Variants in ENOX2 observed in about 807,000 individuals in gnomAD.
ENOX2 encodes the protein ecto-NOX disulfide-thiol exchanger 2, also known as APK1 antigen.
Under a neutral mutation model 45.0 loss-of-function variants are expected in ENOX2, and 36 were observed. The ratio of observed to expected loss-of-function variants is 0.80; its 90% CI spans 0.61 to 1.06. The LOEUF is 1.06. Among genes scored for constraint, ENOX2 ranks in the 50% least tolerant of loss-of-function variants. The pLI is 0.00. For synonymous variants in ENOX2, 174 were observed against 152.3 expected, an observed-to-expected ratio of 1.14 and a Z score of -1.05; for missense variants, 423 against 462.5, an observed-to-expected ratio of 0.91 and a Z score of 0.78.
chrX:130,699,733 T>C (rs2037850358), intron 4 of ENOX2, among the ~76,000 whole-genome samples: 1 of 111,465 alleles, frequency 9.0e-6, no homozygotes, highest in African/African-American at 3.3e-5. Flanking sequence ...TCTGTGAAAA[T>C]CTCCACCAGA....
chrX:130,634,367 C>G (rs1464310288), intron 12 of ENOX2, among the ~76,000 whole-genome samples: 1 of 111,919 alleles, frequency 8.9e-6, no homozygotes, highest in Non-Finnish European at 1.9e-5. Context: ...GGTTGTGATA[C>G]ATGATTCTAT....
chrX:130,656,742 T>C (rs1030426088), intron 9 of ENOX2, 47 bp from the exon 10 acceptor site: 4 of 736,779 alleles, frequency 5.4e-6, no homozygotes, highest in Non-Finnish European at 8.4e-6. Flanking sequence ...CTTGAAAATG[T>C]TGAGGAAATG....
At chrX:130,841,456 T>C (rs775085277) in intron 2 of ENOX2, among the ~76,000 whole-genome samples, 2 of 111,770 alleles carry the variant, frequency 1.8e-5, no homozygotes, top group Non-Finnish European at 3.8e-5. Context: ...CACTCCAACA[T>C]GGCCATTGCT....
intron 10 of ENOX2, among the ~76,000 whole-genome samples, chrX:130,645,430 T>C (rs991327992): frequency 1.8e-5 from 2 of 112,449 alleles, no homozygotes; most frequent in Non-Finnish European, 3.8e-5. Flanking sequence ...GTCCAGGAAA[T>C]ACAATTTAGA....
chrX:130,787,226 A>C (rs2076984205), intron 2 of ENOX2, among the ~76,000 whole-genome samples: 1 of 112,140 alleles, frequency 8.9e-6, no homozygotes, highest in Admixed American at 9.5e-5. Flanking sequence ...AATTTTACAG[A>C]ATAACATATT....
chrX:130,863,101 T>C (rs1486497441), intron 2 of ENOX2, among the ~76,000 whole-genome samples: 2 of 112,152 alleles, frequency 1.8e-5, no homozygotes, highest in East Asian at 2.8e-4. Flanking sequence ...GGTTTGCCTC[T>C]TATAAAGCTT....
chrX:130,828,644 A>C (rs909775981), intron 2 of ENOX2, among the ~76,000 whole-genome samples: 13 of 112,161 alleles, frequency 1.2e-4, no homozygotes, highest in African/African-American at 4.2e-4. Context: ...GTAAAATAAA[A>C]TAATAATCAA....
intron 3 of ENOX2, among the ~76,000 whole-genome samples, chrX:130,719,460 GAAA>G (rs1218133442): frequency 1.7e-5 from 1 of 59,842 alleles, no homozygotes; most frequent in Non-Finnish European, 3.4e-5. Flanking sequence ...CTGCTGCTAA[GAAA>G]AAAAAAAAAA....
chrX:130,836,914 T>C (rs755021610), intron 2 of ENOX2, among the ~76,000 whole-genome samples: 2 of 112,154 alleles, frequency 1.8e-5, no homozygotes, highest in Non-Finnish European at 3.8e-5. Flanking sequence ...TTAAATTCAA[T>C]GAAACCTTTT....
chrX:130,639,334 G>C (rs1453760036), intron 10 of ENOX2, among the ~76,000 whole-genome samples: 1 of 111,820 alleles, frequency 8.9e-6, no homozygotes. Flanking sequence ...TGTGGGTGGG[G>C]GGTGATGGTG....
intron 2 of ENOX2, among the ~76,000 whole-genome samples, chrX:130,817,703 A>G (rs902143298): frequency 1.1e-4 from 12 of 112,451 alleles, no homozygotes; most frequent in African/African-American, 3.9e-4. Flanking sequence ...AAGGTCTTCC[A>G]TGAAATTCAA....
intron 3 of ENOX2, among the ~76,000 whole-genome samples, chrX:130,738,880 C>T (rs2038918612): frequency 8.9e-6 from 1 of 111,928 alleles, no homozygotes; most frequent in Admixed American, 9.4e-5. Flanking sequence ...AAGAGAGCTG[C>T]TCTATTACCT....
intron 2 of ENOX2, among the ~76,000 whole-genome samples, chrX:130,804,134 A>C (rs758320450): frequency 2.0e-4 from 22 of 111,798 alleles, no homozygotes; most frequent in Non-Finnish European, 3.6e-4. Context: ...AAAATTACCA[A>C]AAGTGAGGCA....
intron 3 of ENOX2, among the ~76,000 whole-genome samples, chrX:130,713,787 C>T (rs769888056): frequency 9.0e-6 from 1 of 111,404 alleles, no homozygotes; most frequent in South Asian, 3.9e-4. Context: ...CACTAATTGC[C>T]TGTTAAGTCA....
At chrX:130,821,826 G>A (rs1383782560) in intron 2 of ENOX2, among the ~76,000 whole-genome samples, 1 of 102,469 alleles carries the variant, frequency 9.8e-6, no homozygotes, top group Non-Finnish European at 2.0e-5. Flanking sequence ...AGCACTTTGG[G>A]AGGCCGAGGC....
intron 2 of ENOX2, among the ~76,000 whole-genome samples, chrX:130,829,665 A>G (rs2077784311): frequency 9.0e-6 from 1 of 111,409 alleles, no homozygotes; most frequent in South Asian, 3.8e-4. Flanking sequence ...CTGTTCTAGG[A>G]GCTTTACACA....
At chrX:130,647,234 GT>G (rs1233767780) in intron 10 of ENOX2, among the ~76,000 whole-genome samples, 2 of 112,542 alleles carry the variant, frequency 1.8e-5, no homozygotes, top group Non-Finnish European at 3.7e-5. Flanking sequence ...AACTTCTTCT[GT>G]TCTGTCAATA....
At chrX:130,811,581 C>T (rs762864055) in intron 2 of ENOX2, among the ~76,000 whole-genome samples, 5 of 112,071 alleles carry the variant, frequency 4.5e-5, no homozygotes, top group Non-Finnish European at 9.4e-5. Context: ...CTTTTGGAGA[C>T]GAAGCCAGTT....
intron 3 of ENOX2, among the ~76,000 whole-genome samples, chrX:130,744,115 C>T (rs1256640245): frequency 8.9e-6 from 1 of 111,923 alleles, no homozygotes; most frequent in Non-Finnish European, 1.9e-5. Flanking sequence ...AATGGCTACA[C>T]TGTAAAGCAG....
Sources: gnomAD v4.1 joint callset for allele counts (sites outside exome capture counted in the v4.1 genomes callset) on GRCh38, gnomAD v4.1.1 for gene constraint, MANE v1.5 for transcripts, NCBI Gene and HGNC (gene_info 2026-07-23, HGNC 2026-07-21) for gene names.